Variants in KLRD1 observed in about 807,000 individuals in gnomAD.
KLRD1 encodes the protein natural killer cells antigen CD94.
KLRD1 carries 21 observed loss-of-function variants against 22.6 expected under a neutral mutation model. That is an observed-to-expected ratio of 0.93 (90% CI 0.66 to 1.34). The LOEUF (loss-of-function observed/expected upper bound fraction) is 1.34, where lower values mean the gene tolerates loss of function less well. KLRD1 is among the 40% of genes most tolerant of loss of function. KLRD1 has a pLI of 0.00. For synonymous variants in KLRD1, 59 were observed against 71.1 expected, an observed-to-expected ratio of 0.83 and a Z score of 0.85; for missense variants, 183 against 208.6, an observed-to-expected ratio of 0.88 and a Z score of 0.76.
intron 1 of KLRD1, among the ~76,000 whole-genome samples, chr12:10,250,151 A>T (rs1254767036): frequency 7.7e-6 from 1 of 130,128 alleles, no homozygotes; most frequent in South Asian, 2.5e-4. Context: ...CCCCTCAACC[A>T]CTCTCTCTCT....
chr12:10,245,419 G>A (rs1333428897), intron 1 of KLRD1, among the ~76,000 whole-genome samples: 2 of 152,132 alleles, frequency 1.3e-5, no homozygotes, highest in Non-Finnish European at 2.9e-5. Flanking sequence ...CGCCTAGCTA[G>A]CAATTGGAAC....
At chr12:10,273,754 A>G (rs959995059) in intron 1 of KLRD1, among the ~76,000 whole-genome samples, 6 of 143,026 alleles carry the variant, frequency 4.2e-5, no homozygotes, top group African/African-American at 1.5e-4. Context: ...TAGTAAAATG[A>G]TGAAAGTATA....
At chr12:10,313,067 A>AC (rs1412540947) in intron 4 of KLRD1, among the ~76,000 whole-genome samples, 1 of 151,974 alleles carries the variant, frequency 6.6e-6, no homozygotes, top group East Asian at 1.9e-4. Context: ...AGTAGATTAT[A>AC]CCCATGGGAT....
chr12:10,256,484 A>G (rs1194232956), intron 1 of KLRD1, among the ~76,000 whole-genome samples: 1 of 113,596 alleles, frequency 8.8e-6, no homozygotes, highest in African/African-American at 4.7e-5. Flanking sequence ...CCTTTTGTGT[A>G]TATTCTATAA....
chr12:10,268,814 TAATC>T (rs1949523380), intron 1 of KLRD1, among the ~76,000 whole-genome samples: 1 of 152,202 alleles, frequency 6.6e-6, no homozygotes, highest in South Asian at 2.1e-4. Flanking sequence ...TAAATACTCT[TAATC>T]AAGTTAAATA....
At chr12:10,296,011 T>C (rs1482197288) in intron 1 of KLRD1, among the ~76,000 whole-genome samples, 2 of 152,198 alleles carry the variant, frequency 1.3e-5, no homozygotes, top group African/African-American at 4.8e-5. Flanking sequence ...CTATAATTTA[T>C]TTTTAAATTA....
chr12:10,326,990 A>G lies in KLRD1; in HGVS notation c.*12197A>G, dbSNP rs574925527. On this transcript the variant is annotated 3_prime_UTR_variant, in exon 6 of 6. Coordinates refer to ENST00000336164, the MANE Select transcript of KLRD1 (RefSeq NM_002262.5). ...ATTGATGATATCATTGCCAAAACCA[A>G]TGTCAAAAGGTTTTCCTCTATGTTT... is the stretch of plus-strand genomic sequence containing the variant. The G allele has an allele frequency of 2.0e-5, 3 of 152,202 alleles. No homozygotes were observed. Among genetic ancestry groups the G allele is most frequent in the African/African-American group, 7.2e-5 (3 of 41,450 alleles). The allele number at this position is 152,202 out of a possible 1,614,324, so 9.4% of individuals were successfully genotyped here. A position where few individuals can be genotyped will look rare whatever the true frequency, so the allele number is the denominator to read the frequency against.
Position 10,323,380 on chromosome 12 carries a change from A to G in KLRD1, c.*8587A>G, listed in dbSNP as rs1411041849. The G allele has an allele frequency of 6.6e-6, 1 of 152,192 alleles. No individual in the cohort carries two copies. Among genetic ancestry groups the G allele is most frequent in the Admixed American group, 6.5e-5 (1 of 15,276 alleles). 9.4% of individuals were successfully genotyped at this position (152,192 alleles called of 1,614,324 possible). On this transcript the variant is annotated 3_prime_UTR_variant, in exon 6 of 6. Transcript: ENST00000336164. ...CCTTCTGGATACTATGCATTTGCAT[A>G]CAATTGTACATTTAATTTCCATCTT... is the stretch of plus-strand genomic sequence containing the variant.
rs768361864 is a variant in KLRD1 at position 10,285,957 on chromosome 12, C to T, written c.-100-22021C>T. Among the ~76,000 whole-genome samples, 83 of 152,194 alleles carry T rather than the reference C, an allele frequency of 5.5e-4. 1 individual carries two copies. Among genetic ancestry groups the T allele is most frequent in the Non-Finnish European group, 5.0e-4 (34 of 68,032 alleles). ...CTCTTCTCTCCTCCTTAAGCTGTGT[C>T]TTCTGCTTTTTGCCCAGGTAAATTG... On this transcript the variant is annotated intron_variant, in intron 1 of 5. Transcript: ENST00000544747.
Position 10,307,963 on chromosome 12 carries a change from A to G in KLRD1, c.-115A>G, listed in dbSNP as rs1949961752. On this transcript the variant is annotated 5_prime_UTR_variant, in exon 1 of 6. Transcript: ENST00000336164. Reference sequence around the variant, plus strand: ...TTCTCTATTTTTGCTAAATTTCTTCATACTCAACTTTCAGATTCTTTAATC... The same window carrying G: ...TTCTCTATTTTTGCTAAATTTCTTCGTACTCAACTTTCAGATTCTTTAATC... The G allele has an allele frequency of 1.1e-6, 1 of 929,334 alleles. No individual in the cohort carries two copies. The highest frequency in any genetic ancestry group is 1.7e-6 in the Non-Finnish European group (1 of 580,424). The allele number at this position is 929,334 out of a possible 1,614,324, so 57.6% of individuals were successfully genotyped here.
rs1950271626 is a variant in KLRD1, at chr12:10,318,229, G to GCCAA, written c.*3436_*3437insCCAA. 6.6e-6 allele frequency: 1 copy of GCCAA among 152,178 alleles called. No individual in the cohort carries two copies. Among genetic ancestry groups the GCCAA allele is most frequent in the South Asian group, 2.1e-4 (1 of 4,832 alleles). 9.4% of individuals were successfully genotyped at this position (152,178 alleles called of 1,614,324 possible). On this transcript the variant is annotated 3_prime_UTR_variant, in exon 6 of 6. Transcript: ENST00000336164. The stretch of plus-strand genomic sequence containing the variant: ...GTTTTTGACTCTTGGCCATGATATG[G>GCCAA]GTAGTAGGCTAACTAACTAGCTAAC...
intron 1 of KLRD1, among the ~76,000 whole-genome samples, chr12:10,268,973 G>C (rs556284272): frequency 6.6e-5 from 10 of 151,798 alleles, no homozygotes; most frequent in Non-Finnish European, 7.4e-5. Flanking sequence ...TTTTCTTTTT[G>C]TTTTTCTGTT....
chr12:10,247,004 C>T (rs1175700083), intron 1 of KLRD1, among the ~76,000 whole-genome samples: 1 of 145,802 alleles, frequency 6.9e-6, no homozygotes, highest in Non-Finnish European at 1.5e-5. Flanking sequence ...ACGATCTCGG[C>T]TCACTGCAAC....
At chr12:10,310,621 C>G (rs1036156523) in intron 3 of KLRD1, among the ~76,000 whole-genome samples, 2 of 151,980 alleles carry the variant, frequency 1.3e-5, no homozygotes, top group South Asian at 4.2e-4. Flanking sequence ...CCCGTCTGTA[C>G]TAAAAATACA....
chr12:10,239,028 G>A (rs1290276842), intron 1 of KLRD1, among the ~76,000 whole-genome samples: 2 of 150,382 alleles, frequency 1.3e-5, no homozygotes, highest in African/African-American at 2.5e-5. Flanking sequence ...AAAAGCTCAA[G>A]AATTCTAAAA....
intron 1 of KLRD1, among the ~76,000 whole-genome samples, chr12:10,246,067 A>G (rs1209170628): frequency 1.3e-5 from 2 of 152,196 alleles, no homozygotes; most frequent in Non-Finnish European, 1.5e-5. Flanking sequence ...TCATCTCATG[A>G]TAGCATTTTC....
chr12:10,283,125 A>G (rs991417525), intron 1 of KLRD1, among the ~76,000 whole-genome samples: 1 of 152,206 alleles, frequency 6.6e-6, no homozygotes, highest in African/African-American at 2.4e-5. Context: ...GACAATTCAG[A>G]TATGGGCAAA....
chr12:10,247,164 C>T (rs1186676676), intron 1 of KLRD1, among the ~76,000 whole-genome samples: 1 of 151,860 alleles, frequency 6.6e-6, no homozygotes, highest in Non-Finnish European at 1.5e-5. Context: ...AACTCCTGAC[C>T]TCAGGGGGGA....
intron 1 of KLRD1, among the ~76,000 whole-genome samples, chr12:10,264,682 C>CTGTATGTG (rs1555103015): frequency 1.3e-5 from 2 of 149,764 alleles, no homozygotes; most frequent in Non-Finnish European, 3.0e-5. Context: ...TAGTTACCTT[C>CTGTATGTG]TGTGTGTGTG....
Sources: allele counts gnomAD v4.1 joint callset (sites outside exome capture counted in the v4.1 genomes callset), GRCh38; gene constraint gnomAD v4.1.1; transcripts MANE v1.5; gene names NCBI Gene and HGNC (gene_info 2026-07-23, HGNC 2026-07-21).